The following SLC5A12 variants were observed in gnomAD, a reference collection of about 807,000 sequenced individuals.
SLC5A12 encodes the protein solute carrier family 5 member 12.
Under a neutral mutation model 72.7 loss-of-function variants are expected in SLC5A12, and 46 were observed. The observed-to-expected ratio is 0.63, with a 90% CI of 0.50 to 0.81. The LOEUF (loss-of-function observed/expected upper bound fraction) is 0.81. Ranked by LOEUF, SLC5A12 falls within the 30% of genes least tolerant of loss-of-function variation. The probability of loss-of-function intolerance (pLI) is 0.00; values close to 1 mark genes in which losing one functional copy is unlikely to be tolerated. For missense variants in SLC5A12, 683 were observed against 740.7 expected (o/e 0.92, Z 0.90); for synonymous variants, 275 against 264.4 (o/e 1.04, Z -0.39).
intron 12 of SLC5A12, among the ~76,000 whole-genome samples, chr11:26,679,424 A>G (rs1265801287): frequency 2.6e-5 from 4 of 152,170 alleles, no homozygotes; most frequent in African/African-American, 9.6e-5. Flanking sequence ...AACATGGTTT[A>G]TGGGGAACCA....
chr11:26,684,019 T>C (rs1449132424), intron 10 of SLC5A12, among the ~76,000 whole-genome samples, 176 bp from the exon 11 acceptor site: 1 of 134,592 alleles, frequency 7.4e-6, no homozygotes, highest in African/African-American at 2.7e-5. Flanking sequence ...ATAAGCACTG[T>C]ATTTATGTAT....
chr11:26,711,362 G>GTA lies in SLC5A12; in HGVS notation c.406-6_406-5dup. 6.2e-7 allele frequency: 1 copy of GTA among 1,610,662 alleles called. No individual in the cohort carries two copies. Among genetic ancestry groups the GTA allele is most frequent in the Non-Finnish European group, 8.5e-7 (1 of 1,177,730 alleles). On this transcript the variant is annotated splice_polypyrimidine_tract_variant and splice_region_variant and intron_variant, in intron 2 of 14. Coordinates refer to ENST00000396005, the MANE Select transcript of SLC5A12 (RefSeq NM_178498.4). ...CCACCACTCCTGTGTAGAGAATCTG[G>GTA]TAGAGAAACAAGAATCAGATTGGCA...
At chr11:26,684,569 C>G (rs184904817) in intron 10 of SLC5A12, among the ~76,000 whole-genome samples, 3 of 152,216 alleles carry the variant, frequency 2.0e-5, no homozygotes, top group Admixed American at 2.0e-4. Flanking sequence ...TCTTGCCTAT[C>G]AACATCTCTT....
chr11:26,667,662 G>C lies in SLC5A12; in HGVS notation c.*3440C>G, dbSNP rs1350410544. ...TAATAATAAATCATAGTAATGAATT[G>C]CATCTTTTAGTAATAAACTTGTTTA... On this transcript the variant is annotated 3_prime_UTR_variant, in exon 15 of 15. Coordinates refer to ENST00000396005, the MANE Select transcript of SLC5A12 (RefSeq NM_178498.4). 2 of 151,002 alleles carry C rather than the reference G, an allele frequency of 1.3e-5. No homozygotes were observed. The highest frequency in any genetic ancestry group is 4.9e-5 in the African/African-American group (2 of 41,222). 9.4% of individuals were successfully genotyped at this position (151,002 alleles called of 1,614,324 possible).
At chr11:26,706,635 A>C (rs1183252519) in intron 4 of SLC5A12, among the ~76,000 whole-genome samples, 1 of 151,804 alleles carries the variant, frequency 6.6e-6, no homozygotes, top group Non-Finnish European at 1.5e-5. Context: ...GTCCCCTTGA[A>C]ATTTTGCCAT....
In SLC5A12 at chr11:26,681,177, C is replaced by G; in HGVS notation, c.1353G>C (p.Trp451Cys). The G allele has an allele frequency of 6.2e-7, 1 of 1,609,538 alleles. No individual in the cohort carries two copies. The highest frequency in any genetic ancestry group is 8.5e-7 in the Non-Finnish European group (1 of 1,177,884). Residue 451 changes from tryptophan (W) to cysteine (C), a missense_variant, in exon 12 of 15, where the codon TGG (tryptophan) becomes TGC (cysteine). Trp to Cys is a radical substitution (Grantham distance 215, BLOSUM62 -2). Transcript: ENST00000396005. ...GGTAAATGAAGGCCCCAATGGCCAC[C>G]CAAAATGACAAGGTGATTCCAGTAA... ...GLLTGITLSF[W>C]VAIGAFIYPA... is the part of the protein sequence containing the mutation.
intron 4 of SLC5A12, among the ~76,000 whole-genome samples, chr11:26,704,234 C>G (rs994121956): frequency 6.6e-6 from 1 of 152,110 alleles, no homozygotes; most frequent in Non-Finnish European, 1.5e-5. Context: ...TTAAGAAAGA[C>G]AGGTTACTAT....
intron 9 of SLC5A12, among the ~76,000 whole-genome samples, chr11:26,690,069 GA>G (rs559257274): frequency 1.9e-4 from 29 of 152,196 alleles, no homozygotes; most frequent in African/African-American, 7.0e-4. Context: ...CAATTAAATA[GA>G]AAAAAGTAGA....
In SLC5A12 at chr11:26,721,467, A is replaced by T; in HGVS notation, c.248T>A (p.Val83Asp). The T allele has an allele frequency of 6.2e-7, 1 of 1,614,166 alleles. No individual in the cohort carries two copies. Among genetic ancestry groups the T allele is most frequent in the Non-Finnish European group, 8.5e-7 (1 of 1,180,038 alleles). ...GACAAATAGGTAAGCAATGAAGAAG[A>T]CTAGGAAGGATGCCCCAAAGCGGTA... ...EVYRFGASFL[V>D]FFIAYLFVIL... The change falls in exon 1 of 15, where the codon GTC (valine) becomes GAC (aspartate). Residue 83 changes from valine to aspartate, a missense_variant. By Grantham distance (152) the Val-to-Asp change is radical. Transcript: ENST00000396005.
chr11:26,703,782 A>T lies in SLC5A12; in HGVS notation c.680+11T>A. The T allele has an allele frequency of 6.2e-7, 1 of 1,613,602 alleles. No individual in the cohort carries two copies. The highest frequency in any genetic ancestry group is 8.5e-7 in the Non-Finnish European group (1 of 1,179,632). On this transcript the variant is annotated intron_variant, in intron 5 of 14. Coordinates refer to ENST00000396005, the MANE Select transcript of SLC5A12 (RefSeq NM_178498.4). Reference sequence around the variant, plus strand: ...TCTTTGTAAAGTATGAAAAAGTTGCATTGGACATACTCAAATATATGTAGT... The same window carrying T: ...TCTTTGTAAAGTATGAAAAAGTTGCTTTGGACATACTCAAATATATGTAGT...
chr11:26,692,376 C>T (rs1854701289), intron 9 of SLC5A12, 113 bp downstream of exon 9: 1 of 710,070 alleles, frequency 1.4e-6, no homozygotes, highest in Non-Finnish European at 2.5e-6. Flanking sequence ...CTTCACATAT[C>T]TCACAGTGCA....
intron 9 of SLC5A12, 111 bp from the exon 10 acceptor site, chr11:26,686,655 T>A: frequency 1.1e-6 from 1 of 891,772 alleles, no homozygotes; most frequent in East Asian, 2.6e-5. Context: ...TGCAAAGGGA[T>A]CTCAGCGAGG....
intron 4 of SLC5A12, 171 bp downstream of exon 4, chr11:26,709,141 A>G: frequency 2.2e-6 from 1 of 464,894 alleles, no homozygotes; most frequent in Non-Finnish European, 3.8e-6. Flanking sequence ...TAATGAAAAG[A>G]ATGTTAAACA....
chr11:26,708,473 T>C (rs1337347456), intron 4 of SLC5A12, among the ~76,000 whole-genome samples: 1 of 152,002 alleles, frequency 6.6e-6, no homozygotes, highest in Non-Finnish European at 1.5e-5. Flanking sequence ...TTGTATATAA[T>C]TGGAATAGAT....
chr11:26,676,015 G>GGA (rs935090220), intron 13 of SLC5A12, among the ~76,000 whole-genome samples: 1 of 151,830 alleles, frequency 6.6e-6, no homozygotes, highest in Non-Finnish European at 1.5e-5. Flanking sequence ...GTGACAAAGA[G>GGA]GAGAGAGAGA....
At chr11:26,688,601 T>C (rs1406946054) in intron 9 of SLC5A12, among the ~76,000 whole-genome samples, 1 of 152,218 alleles carries the variant, frequency 6.6e-6, no homozygotes, top group Non-Finnish European at 1.5e-5. Flanking sequence ...ATAGTATTCT[T>C]TCTGCAAATA....
intron 2 of SLC5A12, among the ~76,000 whole-genome samples, chr11:26,712,420 G>A (rs987738026): frequency 2.0e-5 from 3 of 151,926 alleles, no homozygotes; most frequent in African/African-American, 7.3e-5. Context: ...AGAAAATGTG[G>A]GTGGCTTATA....
At chr11:26,688,549 C>T (rs958758759) in intron 9 of SLC5A12, among the ~76,000 whole-genome samples, 1 of 151,938 alleles carries the variant, frequency 6.6e-6, no homozygotes, top group East Asian at 1.9e-4. Flanking sequence ...CAAAATGTTG[C>T]CAAAAATGGG....
rs1854055295 is a variant in SLC5A12 at position 26,668,672 on chromosome 11, C to T, written c.*2430G>A. ...ATTCCCATCTGCTCTCTACCTGAAA[C>T]CCTAGATTTATGCATGTTTGTTCAA... On this transcript the variant is annotated 3_prime_UTR_variant, in exon 15 of 15. Coordinates refer to ENST00000396005, the MANE Select transcript of SLC5A12 (RefSeq NM_178498.4). 2 of 151,958 alleles carry T rather than the reference C, an allele frequency of 1.3e-5. No homozygotes were observed. The highest frequency in any genetic ancestry group is 2.9e-5 in the Non-Finnish European group (2 of 67,966). 9.4% of individuals were successfully genotyped at this position (151,958 alleles called of 1,614,324 possible). A position where few individuals can be genotyped will look rare whatever the true frequency, so the allele number is the denominator to read the frequency against.
Sources: allele counts gnomAD v4.1 joint callset (sites outside exome capture counted in the v4.1 genomes callset), GRCh38; gene constraint gnomAD v4.1.1; transcripts MANE v1.5; gene names NCBI Gene and HGNC (gene_info 2026-07-23, HGNC 2026-07-21).